Variants in MYPN observed in about 807,000 individuals in gnomAD.
MYPN encodes the protein myopalladin.
A neutral mutation model predicts 129.4 loss-of-function variants in MYPN; 63 were observed. The observed-to-expected ratio is 0.49, with a 90% confidence interval of 0.40 to 0.60. MYPN has a LOEUF of 0.60. MYPN is among the 20% of genes least tolerant of loss of function. MYPN has a pLI of 0.00. For synonymous variants in MYPN, 629 were observed against 600.9 expected, an observed-to-expected ratio of 1.05 and a Z score of -0.68; for missense variants, 1,596 against 1,635.4, an observed-to-expected ratio of 0.98 and a Z score of 0.42.
chr10:68,171,757 A>C (rs1034209841), intron 10 of MYPN, among the ~76,000 whole-genome samples: 6 of 152,180 alleles, frequency 3.9e-5, no homozygotes, highest in African/African-American at 1.4e-4. Flanking sequence ...ATGCACTGGC[A>C]AATGTTTAAT....
rs1060503576 is a variant in MYPN, at chr10:68,143,001, A to T, written c.964A>T (p.Asn322Tyr). Residue 322 changes from asparagine (N) to tyrosine (Y), a missense_variant, in exon 3 of 20, where the codon AAT becomes TAT. Coordinates refer to ENST00000358913, the MANE Select transcript of MYPN (RefSeq NM_032578.4). Reference sequence around the variant, plus strand: ...AGATATTCACATCGTCCAGGCAGGAAATCTGCACTCACTGACCATTGCGGA... The same window carrying T: ...AGATATTCACATCGTCCAGGCAGGATATCTGCACTCACTGACCATTGCGGA... ...SPDIHIVQAG[N>Y]LHSLTIAEAF... 6.2e-7 allele frequency: 1 copy of T among 1,614,162 alleles called. No homozygotes were observed. The highest frequency in any genetic ancestry group is 8.5e-7 in the Non-Finnish European group (1 of 1,180,004).
At chr10:68,095,110 G>A (rs2041950202) in intron 1 of MYPN, among the ~76,000 whole-genome samples, 1 of 152,084 alleles carries the variant, frequency 6.6e-6, no homozygotes, top group Non-Finnish European at 1.5e-5. Flanking sequence ...TTGGGAGGCT[G>A]TGGTGGATGG....
chr10:68,168,991 TAA>T lies in MYPN; in HGVS notation c.1973+2353_1973+2354del, dbSNP rs71009012. Among the ~76,000 whole-genome samples the T allele has an allele frequency of 1.5e-3, 119 of 80,300 alleles. 2 individuals carry two copies. Among genetic ancestry groups the T allele is most frequent in the African/African-American group, 4.4e-3 (71 of 16,068 alleles). 52.7% of individuals were successfully genotyped at this position (80,300 alleles called of 152,430 possible). ...TGGGCGACAGAATGAGATTATTTCT[TAA>T]AAAAAAAAAAAAAAAAAAAAAAAAA... On this transcript the variant is annotated intron_variant, in intron 10 of 19. Transcript: ENST00000358913.
chr10:68,201,730 G>C, intron 17 of MYPN, 99 bp from the exon 18 acceptor site: 2 of 1,374,650 alleles, frequency 1.5e-6, no homozygotes, highest in Non-Finnish European at 2.0e-6. Flanking sequence ...GCAGTGAGCT[G>C]AGATCTTGCC....
intron 12 of MYPN, among the ~76,000 whole-genome samples, chr10:68,184,179 A>G (rs2043383816): frequency 6.6e-6 from 1 of 152,168 alleles, no homozygotes; most frequent in African/African-American, 2.4e-5. Flanking sequence ...TTGGATTCAG[A>G]TACGTAATAT....
At chr10:68,118,910 G>GAAGC in intron 1 of MYPN, among the ~76,000 whole-genome samples, 1 of 150,726 alleles carries the variant, frequency 6.6e-6, no homozygotes, top group African/African-American at 2.4e-5. Context: ...AGGAAGGAAG[G>GAAGC]AAGGAAGGAA....
At chr10:68,104,040 T>C (rs546232593), upstream of MYPN, among the ~76,000 whole-genome samples, 3 of 152,344 alleles carry the variant, frequency 2.0e-5, no homozygotes, top group African/African-American at 7.2e-5. Context: ...ACTATGCTTC[T>C]TTAAGGCGTA....
intron 10 of MYPN, among the ~76,000 whole-genome samples, chr10:68,171,846 T>C (rs1267537770): frequency 6.6e-6 from 1 of 152,152 alleles, no homozygotes; most frequent in African/African-American, 2.4e-5. Flanking sequence ...ATCGAATGGG[T>C]AGTTGAGATG....
intron 12 of MYPN, among the ~76,000 whole-genome samples, chr10:68,177,841 G>T (rs773753968): frequency 2.6e-5 from 4 of 152,126 alleles, no homozygotes; most frequent in Admixed American, 6.5e-5. Context: ...CATTTGTTTT[G>T]CTTTGAAAAC....
At chr10:68,103,311 C>G (rs1315761612), upstream of MYPN, among the ~76,000 whole-genome samples, 2 of 152,198 alleles carry the variant, frequency 1.3e-5, no homozygotes, top group Non-Finnish European at 2.9e-5. Flanking sequence ...TTGGCACTTA[C>G]TATTTTCCTG....
At chr10:68,165,302 A>C (rs1210900465) in intron 8 of MYPN, among the ~76,000 whole-genome samples, 5 of 152,224 alleles carry the variant, frequency 3.3e-5, no homozygotes, top group Admixed American at 3.3e-4. Flanking sequence ...AAATACAAAA[A>C]TTAGCCGGGC....
intron 1 of MYPN, among the ~76,000 whole-genome samples, chr10:68,095,755 G>A (rs2041953560): frequency 9.2e-6 from 1 of 109,024 alleles, no homozygotes; most frequent in Non-Finnish European, 1.7e-5. Flanking sequence ...CCAGCAGTTG[G>A]GGGAAGAGGG....
intron 2 of MYPN, among the ~76,000 whole-genome samples, chr10:68,123,234 C>T (rs1193049286): frequency 1.3e-5 from 2 of 151,698 alleles, no homozygotes; most frequent in African/African-American, 2.4e-5. Flanking sequence ...AAAATTTAGC[C>T]GGGCGTGGTA....
intron 5 of MYPN, 63 bp downstream of exon 5, chr10:68,148,530 AC>A: frequency 7.6e-7 from 1 of 1,308,068 alleles, no homozygotes; most frequent in Non-Finnish European, 1.1e-6. Context: ...GGTGACCATG[AC>A]CATCTTGCAT....
upstream of MYPN, chr10:68,106,815 T>C: frequency 1.4e-6 from 1 of 717,066 alleles, no homozygotes; most frequent in Non-Finnish European, 2.6e-6. Flanking sequence ...AGTAAATTGT[T>C]TCTGTGGCTG....
Position 68,166,617 on chromosome 10 carries a change from C to G in MYPN, c.1924C>G (p.Pro642Ala). The G allele has an allele frequency of 6.2e-7, 1 of 1,614,114 alleles. No homozygotes were observed. Among genetic ancestry groups the G allele is most frequent in the Non-Finnish European group, 8.5e-7 (1 of 1,180,016 alleles). The part of the protein sequence containing the change: ...FNGQATKTPE[P>A]SSPVKEPPPV... Reference sequence around the variant, plus strand: ...CGGACAGGCAACAAAAACCCCAGAGCCTTCTTCCCCCGTGAAAGAGCCCCC... The same window carrying G: ...CGGACAGGCAACAAAAACCCCAGAGGCTTCTTCCCCCGTGAAAGAGCCCCC... The change falls in exon 10 of 20, where the codon CCT (proline) becomes GCT (alanine). Residue 642 changes from proline (P) to alanine (A), a missense_variant. Coordinates refer to ENST00000358913, the MANE Select transcript of MYPN (RefSeq NM_032578.4).
intron 12 of MYPN, among the ~76,000 whole-genome samples, chr10:68,178,727 A>AAAC (rs397772398): frequency 6.6e-6 from 1 of 150,812 alleles, no homozygotes; most frequent in Non-Finnish European, 1.5e-5. Context: ...AAAAAAAAAA[A>AAAC]GGAATCCAGG....
intron 16 of MYPN, among the ~76,000 whole-genome samples, chr10:68,198,919 C>G (rs1050391410): frequency 6.6e-6 from 1 of 151,944 alleles, no homozygotes; most frequent in Non-Finnish European, 1.5e-5. Flanking sequence ...GTGCAGCAAA[C>G]CACCGTGGTA....
At chr10:68,166,753 G>C in intron 10 of MYPN, 87 bp downstream of exon 10, 1 of 1,545,060 alleles carries the variant, frequency 6.5e-7, no homozygotes, top group Non-Finnish European at 8.8e-7. Context: ...ACTCAGCTAG[G>C]CACAGTTGCT....
Sources: allele counts gnomAD v4.1 joint callset (sites outside exome capture counted in the v4.1 genomes callset), GRCh38; gene constraint gnomAD v4.1.1; transcripts MANE v1.5; gene names NCBI Gene and HGNC (gene_info 2026-07-23, HGNC 2026-07-21).